Variants in PPP1R13B observed in about 807,000 individuals in gnomAD.
PPP1R13B encodes the protein apoptosis-stimulating of p53 protein 1.
A neutral mutation model predicts 119.8 loss-of-function variants in PPP1R13B; 44 were observed. The ratio of observed to expected loss-of-function variants is 0.37; its 90% CI spans 0.29 to 0.47. The LOEUF is 0.47. Among genes scored for constraint, PPP1R13B ranks in the 20% least tolerant of loss-of-function variants. PPP1R13B has a pLI of 0.99. For missense variants in PPP1R13B, 1,227 were observed against 1,413.5 expected (o/e 0.87, Z 2.12); for synonymous variants, 542 against 561.5 (o/e 0.97, Z 0.49).
intron 1 of PPP1R13B, among the ~76,000 whole-genome samples, chr14:103,817,313 C>T (rs914122208): frequency 1.3e-5 from 2 of 151,996 alleles, no homozygotes; most frequent in East Asian, 3.9e-4. Context: ...AGAAAAAATT[C>T]ACTGATAGCA....
chr14:103,734,796 G>T lies in PPP1R13B; in HGVS notation c.*358C>A, dbSNP rs10134157. 9 of 460,728 alleles carry T rather than the reference G, an allele frequency of 2.0e-5. No homozygotes were observed. Among genetic ancestry groups the T allele is most frequent in the Admixed American group, 7.2e-5 (3 of 41,936 alleles). The allele number at this position is 460,728 out of a possible 1,614,324, so 28.5% of individuals were successfully genotyped here. On this transcript the variant is annotated 3_prime_UTR_variant, in exon 17 of 17. Transcript: ENST00000202556. ...CGGCGGACAGTGTTCACTGCTGGAGGGGGTGATGGCCTCGGGGCCAAGTCA... is the reference window on the plus strand; with the variant it reads ...CGGCGGACAGTGTTCACTGCTGGAGTGGGTGATGGCCTCGGGGCCAAGTCA...
At chr14:103,784,978 T>C in intron 2 of PPP1R13B, 64 bp from the exon 3 acceptor site, 1 of 1,434,758 alleles carries the variant, frequency 7.0e-7, no homozygotes, top group Non-Finnish European at 9.4e-7. Flanking sequence ...AAGTAAATTT[T>C]GTAAAAAACT....
chr14:103,805,587 A>AGAAG (rs561346014), intron 1 of PPP1R13B, among the ~76,000 whole-genome samples: 173 of 152,018 alleles, frequency 1.1e-3, no homozygotes, highest in Middle Eastern at 3.4e-3. Flanking sequence ...AAGGAAGGAA[A>AGAAG]GAAGGAAGGA....
chr14:103,755,627 T>C (rs1331042910), intron 5 of PPP1R13B, among the ~76,000 whole-genome samples: 1 of 152,348 alleles, frequency 6.6e-6, no homozygotes, highest in East Asian at 1.9e-4. Context: ...CATACTACAC[T>C]CTAAGGTAAA....
chr14:103,786,011 T>A (rs1181233537), intron 2 of PPP1R13B, among the ~76,000 whole-genome samples: 1 of 152,178 alleles, frequency 6.6e-6, no homozygotes, highest in East Asian at 1.9e-4. Flanking sequence ...AATATTTTTT[T>A]AAAAATCAAA....
intron 1 of PPP1R13B, among the ~76,000 whole-genome samples, chr14:103,815,882 G>A (rs1458909800): frequency 2.0e-5 from 3 of 152,050 alleles, no homozygotes; most frequent in African/African-American, 7.2e-5. Context: ...AGGAGATCGA[G>A]ACCATCCTGG....
At chr14:103,808,889 G>C (rs765420233) in intron 1 of PPP1R13B, among the ~76,000 whole-genome samples, 7 of 151,950 alleles carry the variant, frequency 4.6e-5, no homozygotes, top group Non-Finnish European at 4.4e-5. Flanking sequence ...TTTTTTTAGA[G>C]ACAGGATCTT....
chr14:103,742,683 A>G lies in PPP1R13B; in HGVS notation c.1291T>C (p.Phe431Leu). The G allele has an allele frequency of 1.9e-6, 3 of 1,613,988 alleles. No individual in the cohort carries two copies. Among genetic ancestry groups the G allele is most frequent in the Non-Finnish European group, 1.7e-6 (2 of 1,180,032 alleles). Residue 431 changes from phenylalanine (F) to leucine (L), a missense_variant, in exon 10 of 17, where the codon TTC becomes CTC. Phe to Leu is a conservative substitution (Grantham distance 22). Transcript: ENST00000202556. The surrounding 1 kb of genome is among the most constrained non-coding windows in gnomAD (Gnocchi z 4.9). Reference protein sequence around the residue: ...QGTVSSQPVPFSALGPTEKPG... With the variant: ...QGTVSSQPVPLSALGPTEKPG... ...TTCTCCGTGGGTCCCAGTGCTGAGAAGGGCACAGGCTGGCTGGAGACAGTG... is the reference window on the plus strand; with the variant it reads ...TTCTCCGTGGGTCCCAGTGCTGAGAGGGGCACAGGCTGGCTGGAGACAGTG...
chr14:103,802,311 A>AAAC (rs937303837), intron 1 of PPP1R13B, among the ~76,000 whole-genome samples: 63 of 152,272 alleles, frequency 4.1e-4, no homozygotes, highest in African/African-American at 1.4e-3. Context: ...TCTGTCTCAA[A>AAAC]AACAACAACA....
At chr14:103,814,194 C>T (rs940670271) in intron 1 of PPP1R13B, among the ~76,000 whole-genome samples, 3 of 152,008 alleles carry the variant, frequency 2.0e-5, no homozygotes, top group Non-Finnish European at 4.4e-5. Context: ...ACTAAAAATA[C>T]AAATATTAGC....
chr14:103,771,443 G>C (rs2085065895), intron 4 of PPP1R13B, among the ~76,000 whole-genome samples: 1 of 149,234 alleles, frequency 6.7e-6, no homozygotes, highest in African/African-American at 2.5e-5. Context: ...TGTAACCAAA[G>C]AGCAACTAAG....
At chr14:103,762,772 C>A in intron 4 of PPP1R13B, 1 of 706,506 alleles carries the variant, frequency 1.4e-6, no homozygotes, top group Non-Finnish European at 2.6e-6. Context: ...GCTGTGGGGG[C>A]AGGTGGTGGC....
chr14:103,741,062 C>A (rs555732995), intron 11 of PPP1R13B, among the ~76,000 whole-genome samples: 47 of 152,222 alleles, frequency 3.1e-4, no homozygotes, highest in Non-Finnish European at 6.0e-4. Flanking sequence ...CAGCCAGAAC[C>A]CTCCCCACAA....
At chr14:103,835,086 TTAAAG>T (rs1246931471) in intron 1 of PPP1R13B, among the ~76,000 whole-genome samples, 2 of 152,146 alleles carry the variant, frequency 1.3e-5, no homozygotes, top group African/African-American at 4.8e-5. Context: ...TGGAGAAAAC[TTAAAG>T]TACTCAGTAA....
intron 1 of PPP1R13B, among the ~76,000 whole-genome samples, chr14:103,811,758 T>A (rs2152059177): frequency 6.6e-6 from 1 of 151,698 alleles, no homozygotes; most frequent in East Asian, 2.0e-4. Flanking sequence ...TGAGATGGAG[T>A]CTCGCTCTGT....
intron 1 of PPP1R13B, among the ~76,000 whole-genome samples, chr14:103,819,465 C>T (rs2086353385): frequency 6.7e-6 from 1 of 149,938 alleles, no homozygotes; most frequent in Non-Finnish European, 1.5e-5. Context: ...CTACTGTACT[C>T]CAGCCTGGGC....
chr14:103,750,869 T>C (rs936885330), intron 7 of PPP1R13B, among the ~76,000 whole-genome samples: 2 of 150,730 alleles, frequency 1.3e-5, no homozygotes, highest in African/African-American at 4.9e-5. Flanking sequence ...AAAAACTGGG[T>C]TGCAGGCTGG....
At chr14:103,752,488 A>G (rs2084573361) in intron 7 of PPP1R13B, among the ~76,000 whole-genome samples, 1 of 150,688 alleles carries the variant, frequency 6.6e-6, no homozygotes, top group Non-Finnish European at 1.5e-5. Flanking sequence ...AAGCCACTGA[A>G]TTGTATCCTT....
chr14:103,830,932 A>G (rs2086651925), intron 1 of PPP1R13B, among the ~76,000 whole-genome samples: 2 of 151,820 alleles, frequency 1.3e-5, no homozygotes, highest in South Asian at 4.2e-4. Flanking sequence ...TATTAACTAC[A>G]TACTCAAGTA....
Sources: gnomAD v4.1 joint callset for allele counts (sites outside exome capture counted in the v4.1 genomes callset) on GRCh38, gnomAD v4.1.1 for gene constraint, Gnocchi (gnomAD v3.1) non-coding constraint, MANE v1.5 for transcripts, NCBI Gene and HGNC (gene_info 2026-07-23, HGNC 2026-07-21) for gene names.